Variants in PDE8B observed in about 807,000 individuals in gnomAD.
The protein encoded by PDE8B is phosphodiesterase 8B, also known as high affinity cAMP-specific and IBMX-insensitive 3',5'-cyclic phosphodiesterase 8B.
In PDE8B, 26 loss-of-function variants were observed where a neutral mutation model predicts 101.3. The ratio of observed to expected loss-of-function variants is 0.26; its 90% confidence interval spans 0.19 to 0.36. The LOEUF is 0.36. PDE8B is among the 10% of genes least tolerant of loss of function. PDE8B has a pLI of 1.00. For missense variants in PDE8B, 810 were observed against 1,163.1 expected (o/e 0.70, Z 4.42); for synonymous variants, 424 against 429.3 (o/e 0.99, Z 0.15).
chr5:77,230,612 G>A (rs1023106681), intron 1 of PDE8B, among the ~76,000 whole-genome samples: 5 of 152,012 alleles, frequency 3.3e-5, no homozygotes, highest in South Asian at 2.1e-4. Context: ...GATTACAGGC[G>A]CCCACCATCA....
At chr5:77,128,504 C>T in the PDE8B span, among the ~76,000 whole-genome samples, 1 of 152,186 alleles carries the variant, frequency 6.6e-6, no homozygotes, top group Non-Finnish European at 1.5e-5. Flanking sequence ...CAGCTTTCCA[C>T]AGGCATCACA....
At chr5:77,208,332 T>G (rs542200838), upstream of PDE8B, among the ~76,000 whole-genome samples, 22 of 152,322 alleles carry the variant, frequency 1.4e-4, no homozygotes, top group South Asian at 4.1e-3. Flanking sequence ...GCTGTAAATT[T>G]CAGTATGTGA....
At chr5:77,377,135 C>T (rs6864050) in intron 10 of PDE8B, among the ~76,000 whole-genome samples, 39,468 of 152,128 alleles carry the variant, frequency 0.26, 5,896 homozygotes, top group East Asian at 0.45. Context: ...TTGTGTTAGC[C>T]GCTCAGCAGA....
At chr5:77,154,866 A>T in the PDE8B span, among the ~76,000 whole-genome samples, 2 of 152,186 alleles carry the variant, frequency 1.3e-5, no homozygotes, top group African/African-American at 4.8e-5. Context: ...CCTGCAGTGG[A>T]TTCTTCCTTT....
At chr5:77,386,545 C>G (rs1217901284) in intron 10 of PDE8B, among the ~76,000 whole-genome samples, 1 of 152,110 alleles carries the variant, frequency 6.6e-6, no homozygotes, top group Non-Finnish European at 1.5e-5. Context: ...CCTTCTTTTT[C>G]TCTTTTGATC....
the PDE8B span, among the ~76,000 whole-genome samples, chr5:77,168,630 C>T: frequency 6.6e-6 from 1 of 152,202 alleles, no homozygotes; most frequent in African/African-American, 2.4e-5. Flanking sequence ...TAGGGATGTG[C>T]CTGTGATGGG....
At chr5:77,247,715 A>G (rs947989764) in intron 1 of PDE8B, among the ~76,000 whole-genome samples, 26 of 152,080 alleles carry the variant, frequency 1.7e-4, no homozygotes, top group African/African-American at 5.3e-4. Context: ...TCCTGTATCT[A>G]GGGCTAAATG....
chr5:77,405,569 G>C (rs1793254870), intron 12 of PDE8B, among the ~76,000 whole-genome samples: 1 of 152,102 alleles, frequency 6.6e-6, no homozygotes, highest in Admixed American at 6.6e-5. Flanking sequence ...CATCTCTAAG[G>C]GGTGTGTGAT....
At chr5:77,356,355 G>GT (rs1267167345) in intron 10 of PDE8B, among the ~76,000 whole-genome samples, 3 of 152,280 alleles carry the variant, frequency 2.0e-5, no homozygotes, top group South Asian at 4.1e-4. Context: ...CTGCAACCAT[G>GT]GTCCAAGAGT....
the PDE8B span, among the ~76,000 whole-genome samples, chr5:77,107,724 G>A: frequency 1.3e-5 from 2 of 152,178 alleles, no homozygotes; most frequent in African/African-American, 2.4e-5. Flanking sequence ...TCTAAACAAA[G>A]CCAATGATAA....
intron 18 of PDE8B, 113 bp from the exon 19 acceptor site, chr5:77,419,654 A>C (rs181737396): frequency 2.0e-5 from 25 of 1,257,932 alleles, no homozygotes; most frequent in Middle Eastern, 4.3e-4. Context: ...ACATTTCTTA[A>C]CTCTGTGCCC....
intron 1 of PDE8B, among the ~76,000 whole-genome samples, chr5:77,282,191 G>A (rs141427727): frequency 1.1e-3 from 163 of 152,192 alleles, no homozygotes; most frequent in Non-Finnish European, 2.1e-3. Context: ...ACAGGGAGCA[G>A]CCACATGGCA....
At chr5:77,098,293 TAAAA>T in the PDE8B span, among the ~76,000 whole-genome samples, 3 of 145,078 alleles carry the variant, frequency 2.1e-5, no homozygotes, top group Admixed American at 1.4e-4. Context: ...TTTTTTTTTT[TAAAA>T]AAAAAAAAGA....
At chr5:77,413,081 T>G in intron 16 of PDE8B, 30 bp from the exon 17 acceptor site, 74 of 1,585,966 alleles carry the variant, frequency 4.7e-5, no homozygotes, top group Middle Eastern at 1.8e-4. Flanking sequence ...GTGAATACAA[T>G]GAGCCAGGGT....
At chr5:77,267,100 A>G (rs1044058295) in intron 1 of PDE8B, among the ~76,000 whole-genome samples, 13 of 152,086 alleles carry the variant, frequency 8.5e-5, no homozygotes, top group Middle Eastern at 3.4e-3. Context: ...CAGTTGAGTG[A>G]CTCATTCACC....
chr5:77,404,968 T>A (rs1012363658), intron 12 of PDE8B, among the ~76,000 whole-genome samples, 171 bp downstream of exon 12: 2 of 152,232 alleles, frequency 1.3e-5, no homozygotes, highest in Non-Finnish European at 2.9e-5. Flanking sequence ...TAATTATTTT[T>A]AAAAATCTTA....
the PDE8B span, among the ~76,000 whole-genome samples, chr5:77,180,220 C>T: frequency 6.6e-6 from 1 of 152,212 alleles, no homozygotes; most frequent in Non-Finnish European, 1.5e-5. Flanking sequence ...GCTCCACACC[C>T]CGGGAGGGGC....
At chr5:77,122,952 T>C in the PDE8B span, among the ~76,000 whole-genome samples, 1 of 152,084 alleles carries the variant, frequency 6.6e-6, no homozygotes, top group African/African-American at 2.4e-5. Flanking sequence ...AGCTCCAAGA[T>C]TGTGATTCAG....
At chr5:77,301,244 C>T (rs561190520) in intron 1 of PDE8B, among the ~76,000 whole-genome samples, 7 of 152,298 alleles carry the variant, frequency 4.6e-5, no homozygotes, top group African/African-American at 1.7e-4. Flanking sequence ...TCCTCTAAGG[C>T]AGTTCTAGCT....
Sources: allele counts gnomAD v4.1 joint callset (sites outside exome capture counted in the v4.1 genomes callset), GRCh38; gene constraint gnomAD v4.1.1; transcripts MANE v1.5; gene names NCBI Gene and HGNC (gene_info 2026-07-23, HGNC 2026-07-21).